PON3: variants seen among roughly 807,000 people sequenced by gnomAD.
PON3 encodes serum paraoxonase/lactonase 3.
Under a neutral mutation model 36.3 loss-of-function variants are expected in PON3, and 37 were observed. That is an observed-to-expected ratio of 1.02 (90% CI 0.78 to 1.34). The LOEUF (loss-of-function observed/expected upper bound fraction) is 1.34. PON3 is among the 40% of genes most tolerant of loss of function. PON3 has a pLI of 0.00. For missense variants in PON3, 415 were observed against 426.5 expected, an observed-to-expected ratio of 0.97 and a Z score of 0.24; for synonymous variants, 155 against 154.8, an observed-to-expected ratio of 1.00 and a Z score of -0.01.
chr7:95,382,492 T>C (rs1809082700), intron 3 of PON3, among the ~76,000 whole-genome samples: 1 of 152,000 alleles, frequency 6.6e-6, no homozygotes, highest in South Asian at 2.1e-4. Flanking sequence ...AAGAATCAAA[T>C]AGATGCAATA....
At chr7:95,390,880 C>T (rs769332790) in intron 2 of PON3, among the ~76,000 whole-genome samples, 1 of 152,132 alleles carries the variant, frequency 6.6e-6, no homozygotes, top group Non-Finnish European at 1.5e-5. Flanking sequence ...TACGCCTGCA[C>T]GACAGGCCCC....
intron 2 of PON3, among the ~76,000 whole-genome samples, chr7:95,390,863 C>T (rs1395919506): frequency 2.1e-5 from 3 of 143,888 alleles, no homozygotes; most frequent in Non-Finnish European, 4.5e-5. Context: ...GGAGCTGTCA[C>T]CTACACTACG....
rs1286696284 is a variant in PON3 at position 95,360,750 on chromosome 7, CAAAA to C, written c.907-623_907-620del. Among the ~76,000 whole-genome samples, 3 of 152,002 alleles carry C rather than the reference CAAAA, an allele frequency of 2.0e-5. No homozygotes were observed. The East Asian group carries it at 5.8e-4, about 29-fold the overall frequency. On this transcript the variant is annotated intron_variant, in intron 8 of 8. Transcript: ENST00000265627. ...ATAGGCTGGATGAAGTTCACTCAAA[CAAAA>C]TAAAATAAAATTTTTATTTTGGAAT...
At chr7:95,393,521 A>G (rs1034335989) in intron 2 of PON3, among the ~76,000 whole-genome samples, 1 of 152,202 alleles carries the variant, frequency 6.6e-6, no homozygotes, top group Non-Finnish European at 1.5e-5. Flanking sequence ...TTCTGTTAGC[A>G]ATGTCAGGAA....
intron 2 of PON3, 77 bp downstream of exon 2, chr7:95,394,567 T>C: frequency 6.9e-6 from 9 of 1,312,232 alleles, no homozygotes; most frequent in Middle Eastern, 1.9e-4. Context: ...GGTAATTAAA[T>C]GAGCTGGTAG....
intron 3 of PON3, among the ~76,000 whole-genome samples, chr7:95,374,708 ATTACT>A (rs989509566): frequency 6.6e-5 from 10 of 152,108 alleles, no homozygotes; most frequent in African/African-American, 2.4e-4. Context: ...TGGTCTCCAA[ATTACT>A]TTATTTTGAT....
intron 4 of PON3, 104 bp from the exon 5 acceptor site, chr7:95,367,592 C>T: frequency 2.3e-6 from 3 of 1,277,164 alleles, no homozygotes; most frequent in East Asian, 2.3e-5. Flanking sequence ...CTTCTTACAT[C>T]TTGCATTTTA....
At chr7:95,379,378 C>T (rs943165347) in intron 3 of PON3, among the ~76,000 whole-genome samples, 5 of 152,240 alleles carry the variant, frequency 3.3e-5, no homozygotes, top group East Asian at 1.9e-4. Flanking sequence ...GTGCAGCGCA[C>T]CGAGTGTGAG....
In PON3 at chr7:95,367,470, T is replaced by C. The variant is rs577168872; in HGVS notation, c.386A>G (p.Tyr129Cys). The change falls in exon 5 of 9, where the codon TAT becomes TGT. Residue 129 changes from tyrosine to cysteine, a missense_variant. Physicochemically the swap from Tyr to Cys is radical, Grantham distance 194 (BLOSUM62 -2). Transcript: ENST00000265627. Reference protein sequence around the residue: ...FIDKDNTVYLYVVNHPHMKST... With the variant: ...FIDKDNTVYLCVVNHPHMKST... ...CTTCATGTGGGGATGATTCACAACATAAAGATACACAGTATTGTCTACATG... is the reference window on the plus strand; with the variant it reads ...CTTCATGTGGGGATGATTCACAACACAAAGATACACAGTATTGTCTACATG... 196 of 1,613,242 alleles carry C rather than the reference T, an allele frequency of 1.2e-4. 2 individuals are homozygous for C. The South Asian group carries it at 2.0e-3, about 17-fold the overall frequency.
intron 1 of PON3, 166 bp downstream of exon 1, chr7:95,396,111 T>TC (rs1229758287): frequency 5.4e-6 from 4 of 741,814 alleles, no homozygotes; most frequent in African/African-American, 5.2e-5. Context: ...TAGCTCACTT[T>TC]CCCCATAAGC....
At chr7:95,383,804 A>C (rs1256322078) in intron 3 of PON3, among the ~76,000 whole-genome samples, 1 of 152,250 alleles carries the variant, frequency 6.6e-6, no homozygotes, top group Non-Finnish European at 1.5e-5. Context: ...ATTCAATGCC[A>C]TCCCCATCAA....
intron 4 of PON3, among the ~76,000 whole-genome samples, chr7:95,370,255 G>T (rs571339971): frequency 6.6e-6 from 1 of 152,302 alleles, no homozygotes; most frequent in South Asian, 2.1e-4. Context: ...GGTATGAGAA[G>T]GAAGGTACAG....
chr7:95,359,942 AC>A lies in PON3; in HGVS notation c.*30del. On this transcript the variant is annotated 3_prime_UTR_variant, in exon 9 of 9. Transcript: ENST00000265627. ...CAGTTTACTTTTACAAAATATGTAG[AC>A]TTTTTTTTTTTTTTTTTACTATCTA... 1 of 1,429,130 alleles carries A rather than the reference AC, an allele frequency of 7.0e-7. No individual in the cohort carries two copies. Among genetic ancestry groups the A allele is most frequent in the Non-Finnish European group, 9.7e-7 (1 of 1,031,950 alleles). The allele number at this position is 1,429,130 out of a possible 1,614,324, so 88.5% of individuals were successfully genotyped here.
chr7:95,396,040 G>C (rs1477166385), intron 1 of PON3: 1 of 572,880 alleles, frequency 1.7e-6, no homozygotes, highest in East Asian at 3.0e-5. Context: ...CAAAGTGGGG[G>C]ATCATAACCT....
chr7:95,376,394 A>G (rs1293684045), intron 3 of PON3, among the ~76,000 whole-genome samples: 3 of 152,204 alleles, frequency 2.0e-5, no homozygotes, highest in Admixed American at 2.0e-4. Flanking sequence ...CAACTTCCAA[A>G]CATCTTCTAG....
chr7:95,384,869 A>T (rs1041844236), intron 3 of PON3, among the ~76,000 whole-genome samples: 4 of 152,172 alleles, frequency 2.6e-5, no homozygotes, highest in Non-Finnish European at 4.4e-5. Flanking sequence ...ACCCAAAGGA[A>T]TATAAATCCT....
chr7:95,364,408 C>T, intron 5 of PON3: 1 of 343,664 alleles, frequency 2.9e-6, no homozygotes, highest in Non-Finnish European at 5.5e-6. Flanking sequence ...TATGGTTATC[C>T]TCCTTCAGGA....
intron 3 of PON3, among the ~76,000 whole-genome samples, chr7:95,378,330 T>G (rs193241718): frequency 2.0e-5 from 3 of 152,238 alleles, no homozygotes; most frequent in Non-Finnish European, 4.4e-5. Flanking sequence ...AAAACACTCT[T>G]CAGGATATTA....
Position 95,391,475 on chromosome 7 carries a change from G to A in PON3, c.146-1266C>T, listed in dbSNP as rs754057722. On this transcript the variant is annotated intron_variant, in intron 2 of 8. Coordinates refer to ENST00000265627, the MANE Select transcript of PON3 (RefSeq NM_000940.3). ...AAAAGCCTTGGATAAAAAGATGAACGTAATACAAAAAGATCTATGAGATAT... is the reference window on the plus strand; with the variant it reads ...AAAAGCCTTGGATAAAAAGATGAACATAATACAAAAAGATCTATGAGATAT... Among the ~76,000 whole-genome samples, 8 of 152,112 alleles carry A rather than the reference G, an allele frequency of 5.3e-5. No individual in the cohort carries two copies. In the East Asian group the frequency reaches 5.8e-4, roughly 11 times the overall value.
Sources: allele counts gnomAD v4.1 joint callset (sites outside exome capture counted in the v4.1 genomes callset), GRCh38; gene constraint gnomAD v4.1.1; transcripts MANE v1.5; gene names NCBI Gene and HGNC (gene_info 2026-07-23, HGNC 2026-07-21).